Variants in METTL15 observed in about 807,000 individuals in gnomAD.
METTL15 encodes the protein 12S rRNA N(4)-cytidine methyltransferase METTL15.
Under a neutral mutation model 38.3 loss-of-function variants are expected in METTL15, and 34 were observed. The observed-to-expected ratio is 0.89, with a 90% CI of 0.68 to 1.18. METTL15 has a LOEUF of 1.18. Among genes scored for constraint, METTL15 ranks in the 50% most tolerant of loss-of-function variants. METTL15 has a pLI of 0.00. For missense variants in METTL15, 438 were observed against 498.4 expected (o/e 0.88, Z 1.15); for synonymous variants, 162 against 170.9 (o/e 0.95, Z 0.41).
At chr11:28,231,191 G>A (rs964827504) in intron 4 of METTL15, among the ~76,000 whole-genome samples, 1 of 151,666 alleles carries the variant, frequency 6.6e-6, no homozygotes, top group African/African-American at 2.4e-5. Context: ...TACTTTATCA[G>A]GAAAGACAGA....
intron 6 of METTL15, among the ~76,000 whole-genome samples, chr11:28,525,335 G>T (rs1007734836): frequency 7.2e-5 from 11 of 152,238 alleles, no homozygotes; most frequent in Admixed American, 6.5e-5. Context: ...GTGCTGATTG[G>T]TGCATTTACA....
intron 3 of METTL15, among the ~76,000 whole-genome samples, chr11:28,196,363 A>G (rs1396364706): frequency 2.6e-5 from 4 of 151,826 alleles, no homozygotes; most frequent in Admixed American, 1.3e-4. Context: ...TCTTTGTGTC[A>G]TCTATGATTT....
intron 6 of METTL15, among the ~76,000 whole-genome samples, chr11:28,444,826 A>G (rs896238209): frequency 6.6e-6 from 1 of 152,164 alleles, no homozygotes; most frequent in Non-Finnish European, 1.5e-5. Context: ...AATAAACTGT[A>G]AGCAAGGCAT....
At chr11:28,174,233 C>G (rs191417503) in intron 3 of METTL15, among the ~76,000 whole-genome samples, 5 of 152,240 alleles carry the variant, frequency 3.3e-5, no homozygotes, top group Admixed American at 3.3e-4. Flanking sequence ...TCAGTATGGA[C>G]TCATGGATAT....
At chr11:28,296,259 A>G (rs1020472294) in intron 5 of METTL15, among the ~76,000 whole-genome samples, 13 of 152,144 alleles carry the variant, frequency 8.5e-5, no homozygotes, top group Non-Finnish European at 1.3e-4. Flanking sequence ...TATGTTTTTT[A>G]TAGATTTGCT....
At chr11:28,162,926 G>A (rs1262146019) in intron 3 of METTL15, among the ~76,000 whole-genome samples, 5 of 151,932 alleles carry the variant, frequency 3.3e-5, no homozygotes, top group Admixed American at 1.3e-4. Context: ...ATCATAAATT[G>A]GGGACTATCT....
chr11:28,133,041 G>A (rs1039613105), intron 3 of METTL15, among the ~76,000 whole-genome samples: 1 of 152,062 alleles, frequency 6.6e-6, no homozygotes, highest in African/African-American at 2.4e-5. Flanking sequence ...AGTATTAATT[G>A]GTGTTATTTG....
intron 6 of METTL15, among the ~76,000 whole-genome samples, chr11:28,496,559 G>T (rs1367635026): frequency 6.6e-6 from 1 of 152,130 alleles, no homozygotes. Flanking sequence ...CTGCCATTGG[G>T]GTCACCAGAG....
intron 1 of METTL15, among the ~76,000 whole-genome samples, chr11:28,109,810 C>T (rs1349581825): frequency 6.6e-6 from 1 of 152,200 alleles, no homozygotes; most frequent in African/African-American, 2.4e-5. Context: ...CAGTGTTACA[C>T]TTGCCATTTA....
At chr11:28,503,323 A>G (rs1221541204) in intron 6 of METTL15, among the ~76,000 whole-genome samples, 1 of 152,246 alleles carries the variant, frequency 6.6e-6, no homozygotes, top group Non-Finnish European at 1.5e-5. Flanking sequence ...GTAAATCAAT[A>G]TACTTTGACC....
chr11:28,390,052 A>G (rs1448081124), intron 5 of METTL15, among the ~76,000 whole-genome samples: 1 of 151,212 alleles, frequency 6.6e-6, no homozygotes, highest in Non-Finnish European at 1.5e-5. Context: ...GTCTGTTCAT[A>G]TCCTTTGCCC....
chr11:28,362,682 G>A (rs1306918366), intron 5 of METTL15, among the ~76,000 whole-genome samples: 2 of 152,150 alleles, frequency 1.3e-5, no homozygotes, highest in Non-Finnish European at 2.9e-5. Flanking sequence ...TATCCATATT[G>A]CACAAGGGGC....
intron 4 of METTL15, among the ~76,000 whole-genome samples, chr11:28,213,063 G>T (rs535187122): frequency 6.6e-6 from 1 of 152,196 alleles, no homozygotes; most frequent in East Asian, 1.9e-4. Context: ...AGGCATAAAC[G>T]ACTTTATGGG....
At chr11:28,205,203 G>T (rs577363442) in intron 3 of METTL15, among the ~76,000 whole-genome samples, 22 of 151,394 alleles carry the variant, frequency 1.5e-4, no homozygotes, top group South Asian at 4.2e-4. Flanking sequence ...TGTGCTGCAC[G>T]CATTAACTCG....
chr11:28,248,835 G>T lies in METTL15; in HGVS notation c.407+37637G>T, dbSNP rs375330963. Among the ~76,000 whole-genome samples the T allele has an allele frequency of 2.0e-5, 3 of 151,636 alleles. No individual in the cohort carries two copies. In the South Asian group the frequency reaches 6.2e-4, roughly 32 times the overall value. On this transcript the variant is annotated intron_variant, in intron 4 of 6. Transcript: ENST00000407364. ...TATTAGAAAAAAAAAGCATCACTAA[G>T]GTTAAGTAACTTATCTTCCAACATG...
chr11:28,206,493 C>G (rs1290524513), intron 3 of METTL15, among the ~76,000 whole-genome samples: 4 of 152,006 alleles, frequency 2.6e-5, no homozygotes, highest in Non-Finnish European at 5.9e-5. Flanking sequence ...CAGTACCATG[C>G]TGTTTTGGTT....
chr11:28,238,497 G>C (rs778312425), intron 4 of METTL15, among the ~76,000 whole-genome samples: 5 of 152,144 alleles, frequency 3.3e-5, no homozygotes, highest in Non-Finnish European at 4.4e-5. Context: ...CGATTTTCCA[G>C]GTGCCATCTG....
At chr11:28,168,768 C>T (rs1415174142) in intron 3 of METTL15, among the ~76,000 whole-genome samples, 1 of 151,902 alleles carries the variant, frequency 6.6e-6, no homozygotes, top group East Asian at 1.9e-4. Flanking sequence ...TTAGTGCATT[C>T]CACACCAAAA....
At chr11:28,513,717 A>G (rs888196920) in intron 6 of METTL15, among the ~76,000 whole-genome samples, 3 of 152,256 alleles carry the variant, frequency 2.0e-5, no homozygotes, top group African/African-American at 7.2e-5. Flanking sequence ...CTTTATGGGA[A>G]ACAAAGGGAT....
Sources: allele counts gnomAD v4.1 joint callset (sites outside exome capture counted in the v4.1 genomes callset), GRCh38; gene constraint gnomAD v4.1.1; transcripts MANE v1.5; gene names NCBI Gene and HGNC (gene_info 2026-07-23, HGNC 2026-07-21).